The following CERT1 variants were observed in gnomAD, a reference collection of about 807,000 sequenced individuals.
CERT1 encodes the protein ceramide transfer protein.
CERT1 carries 31 observed loss-of-function variants against 87.9 expected under a neutral mutation model. That is an observed-to-expected ratio of 0.35 (90% CI 0.27 to 0.48). The LOEUF (loss-of-function observed/expected upper bound fraction) is 0.48. CERT1 is among the 20% of genes least tolerant of loss of function. CERT1 has a pLI of 0.99. For synonymous variants in CERT1, 289 were observed against 250.9 expected (o/e 1.15, Z -1.44); for missense variants, 487 against 758.0 (o/e 0.64, Z 4.20).
chr5:75,466,021 G>C (rs1236339527), intron 2 of CERT1, among the ~76,000 whole-genome samples: 1 of 152,094 alleles, frequency 6.6e-6, no homozygotes, highest in Admixed American at 6.6e-5. Context: ...ACATAGTGGG[G>C]AATTCCTCAA....
At chr5:75,466,537 G>C (rs1405766994) in intron 2 of CERT1, among the ~76,000 whole-genome samples, 1 of 152,182 alleles carries the variant, frequency 6.6e-6, no homozygotes, top group Non-Finnish European at 1.5e-5. Context: ...AAGCTTCTGA[G>C]ATAACAAGAG....
At position 75,381,179 on chromosome 5, in the gene CERT1, G is replaced by T. The variant is rs1761567225; in HGVS notation, c.1640C>A (p.Ala547Asp). The change falls in exon 16 of 17, where the codon GCC (alanine) becomes GAC (aspartate). Residue 547 changes from alanine (A) to aspartate (D), a missense_variant. Transcript: ENST00000643780. ...ACAAATCATAGCAACATTTATTTTG[G>T]CACGGACACATCGGTTGTTTAGCTG... ...SAPLNNRCVR[A>D]KINVAMICQT... 6.2e-7 allele frequency: 1 copy of T among 1,613,958 alleles called. No homozygotes were observed. The highest frequency in any genetic ancestry group is 8.5e-7 in the Non-Finnish European group (1 of 1,179,984).
At chr5:75,390,968 ATT>A (rs926547190) in intron 11 of CERT1, among the ~76,000 whole-genome samples, 148 of 142,724 alleles carry the variant, frequency 1.0e-3, no homozygotes, top group African/African-American at 3.6e-3. Context: ...CATGCCTAAC[ATT>A]TTTTTTTTTT....
intron 2 of CERT1, chr5:75,505,559 A>C (rs558345989): frequency 6.6e-6 from 1 of 152,444 alleles, no homozygotes; most frequent in South Asian, 2.1e-4. Flanking sequence ...GCTTCTCCCA[A>C]CTCCACAAAG....
intron 1 of CERT1, among the ~76,000 whole-genome samples, chr5:75,510,182 G>C (rs1767865336): frequency 6.6e-6 from 1 of 152,108 alleles, no homozygotes; most frequent in African/African-American, 2.4e-5. Flanking sequence ...GACTGGCCCA[G>C]CTCCCCCTCT....
At chr5:75,445,949 G>C (rs1001452783) in intron 3 of CERT1, among the ~76,000 whole-genome samples, 2 of 152,136 alleles carry the variant, frequency 1.3e-5, no homozygotes, top group African/African-American at 4.8e-5. Context: ...TTGCTTTCAG[G>C]ATACTCTGTA....
chr5:75,422,590 C>A (rs1763431417), intron 5 of CERT1, among the ~76,000 whole-genome samples: 1 of 152,156 alleles, frequency 6.6e-6, no homozygotes, highest in South Asian at 2.1e-4. Context: ...GCACTCCAGC[C>A]TGGGTGACAG....
At chr5:75,491,916 T>C (rs1766815546) in intron 2 of CERT1, among the ~76,000 whole-genome samples, 1 of 152,208 alleles carries the variant, frequency 6.6e-6, no homozygotes, top group African/African-American at 2.4e-5. Flanking sequence ...CAAGGTTTGA[T>C]ATGAAAAACA....
At chr5:75,475,964 G>C (rs1765934587) in intron 2 of CERT1, among the ~76,000 whole-genome samples, 3 of 152,090 alleles carry the variant, frequency 2.0e-5, no homozygotes, top group African/African-American at 4.8e-5. Flanking sequence ...AAAACATTTT[G>C]AGCAATGTTT....
downstream of CERT1, chr5:75,374,539 G>T: frequency 1.4e-6 from 1 of 717,002 alleles, no homozygotes. Context: ...TGCACGAACC[G>T]TGCCTGATGC....
chr5:75,471,771 A>AAG (rs1554044100), intron 2 of CERT1, among the ~76,000 whole-genome samples: 16 of 151,458 alleles, frequency 1.1e-4, no homozygotes, highest in African/African-American at 3.4e-4. Flanking sequence ...AAAAAAAAAA[A>AAG]AAAAGAAAAG....
intron 8 of CERT1, among the ~76,000 whole-genome samples, chr5:75,408,681 T>C (rs1314386039): frequency 6.6e-6 from 1 of 152,060 alleles, no homozygotes; most frequent in Non-Finnish European, 1.5e-5. Context: ...GGTATAATGT[T>C]CACTATTTGG....
chr5:75,384,827 C>A, intron 13 of CERT1, 115 bp from the exon 14 acceptor site: 1 of 658,070 alleles, frequency 1.5e-6, no homozygotes, highest in Non-Finnish European at 2.7e-6. Context: ...CAGGATCCTG[C>A]CCTATCTAGG....
chr5:75,393,036 A>C (rs970680932), intron 11 of CERT1, among the ~76,000 whole-genome samples: 1 of 150,878 alleles, frequency 6.6e-6, no homozygotes, highest in Non-Finnish European at 1.5e-5. Flanking sequence ...TCATTAAAAA[A>C]AAAACAAAAA....
intron 17 of CERT1, chr5:75,369,407 C>T (rs1761006313): frequency 6.6e-6 from 1 of 152,068 alleles, no homozygotes; most frequent in African/African-American, 2.4e-5. Flanking sequence ...GGGACTAAGA[C>T]CCATACACCA....
In CERT1 at chr5:75,390,424, T is replaced by C. The variant is rs369139574; in HGVS notation, c.1189-737A>G. On this transcript the variant is annotated intron_variant, in intron 11 of 16. Transcript: ENST00000643780. ...ATATAATCACCTTTTAGTTCATTCT[T>C]TTAAAATTTCTAATAATTTCCTTTT... Among the ~76,000 whole-genome samples, 22 of 152,244 alleles carry C rather than the reference T, an allele frequency of 1.4e-4. No individual in the cohort carries two copies. In the South Asian group the frequency reaches 2.1e-3, roughly 14 times the overall value.
chr5:75,392,469 T>A (rs1207167283), intron 11 of CERT1, among the ~76,000 whole-genome samples: 2 of 152,174 alleles, frequency 1.3e-5, no homozygotes, highest in African/African-American at 4.8e-5. Flanking sequence ...CATGATAATA[T>A]CTTCCTTGAG....
At chr5:75,502,017 T>C (rs762511852) in intron 2 of CERT1, among the ~76,000 whole-genome samples, 5 of 151,786 alleles carry the variant, frequency 3.3e-5, no homozygotes, top group Non-Finnish European at 2.9e-5. Context: ...ATATAGACTA[T>C]AAAACAAGCA....
chr5:75,478,587 C>G (rs1206331594), intron 2 of CERT1, among the ~76,000 whole-genome samples: 2 of 152,008 alleles, frequency 1.3e-5, no homozygotes, highest in East Asian at 3.9e-4. Flanking sequence ...AAGTAAGAAG[C>G]AATTAGTCTG....
Sources: allele counts gnomAD v4.1 joint callset (sites outside exome capture counted in the v4.1 genomes callset), GRCh38; gene constraint gnomAD v4.1.1; transcripts MANE v1.5; gene names NCBI Gene and HGNC (gene_info 2026-07-23, HGNC 2026-07-21).